TRIM44: variants seen among roughly 807,000 people sequenced by gnomAD.
TRIM44 encodes the protein tripartite motif-containing protein 44.
A neutral mutation model predicts 37.4 loss-of-function variants in TRIM44; 13 were observed. The observed-to-expected ratio is 0.35, with a 90% CI of 0.23 to 0.55. The LOEUF is 0.55. TRIM44 is among the 20% of genes least tolerant of loss of function. The pLI, the probability that TRIM44 is intolerant of heterozygous loss-of-function variation, is 0.89. For synonymous variants in TRIM44, 175 were observed against 157.2 expected (o/e 1.11, Z -0.85); for missense variants, 426 against 437.2 (o/e 0.97, Z 0.23).
At chr11:35,745,246 T>G (rs1852472143) in intron 4 of TRIM44, among the ~76,000 whole-genome samples, 1 of 152,236 alleles carries the variant, frequency 6.6e-6, no homozygotes, top group African/African-American at 2.4e-5. Flanking sequence ...AGATGGTATC[T>G]CATTGTAATT....
intron 1 of TRIM44, among the ~76,000 whole-genome samples, chr11:35,674,082 T>C (rs111800792): frequency 2.6e-5 from 4 of 152,166 alleles, no homozygotes; most frequent in African/African-American, 9.6e-5. Context: ...CTCATGGACC[T>C]TTCAGAATAG....
At chr11:35,786,232 T>A (rs1412459083) in intron 4 of TRIM44, among the ~76,000 whole-genome samples, 1 of 152,214 alleles carries the variant, frequency 6.6e-6, no homozygotes, top group Admixed American at 6.5e-5. Flanking sequence ...ATCTACTCTA[T>A]TACATAGGTC....
chr11:35,806,649 G>C lies in TRIM44; in HGVS notation c.*264G>C. ...GGAGCAATTAAGAAAGGTCCTTCAG[G>C]TAATCCCTCAATGGCTGCTTTGAAC... On this transcript the variant is annotated 3_prime_UTR_variant, in exon 5 of 5. Transcript: ENST00000299413. The C allele has an allele frequency of 2.2e-6, 1 of 446,240 alleles. No homozygotes were observed. The highest frequency in any genetic ancestry group is 4.0e-6 in the Non-Finnish European group (1 of 249,852). The allele number at this position is 446,240 out of a possible 1,614,324, so 27.6% of individuals were successfully genotyped here.
Position 35,808,696 on chromosome 11 carries a change from C to A in TRIM44, c.*2311C>A, listed in dbSNP as rs1234157618. On this transcript the variant is annotated 3_prime_UTR_variant, in exon 5 of 5. Coordinates refer to ENST00000299413, the MANE Select transcript of TRIM44 (RefSeq NM_017583.6). ...AAGCGTTTCAGATTTGCTTTATAGA[C>A]TCCTGCTGTCTTCAGTACCTGATAA... 1 of 152,228 alleles carries A rather than the reference C, an allele frequency of 6.6e-6. No homozygotes were observed. The highest frequency in any genetic ancestry group is 1.5e-5 in the Non-Finnish European group (1 of 68,028). 9.4% of individuals were successfully genotyped at this position (152,228 alleles called of 1,614,324 possible).
chr11:35,802,871 A>G (rs537822189), intron 4 of TRIM44, among the ~76,000 whole-genome samples: 26 of 152,168 alleles, frequency 1.7e-4, no homozygotes, highest in African/African-American at 6.0e-4. Context: ...GTTGCTCTCC[A>G]GATATTTGAA....
chr11:35,758,017 G>T (rs542949837), intron 4 of TRIM44, among the ~76,000 whole-genome samples: 5 of 152,072 alleles, frequency 3.3e-5, no homozygotes, highest in Admixed American at 6.6e-5. Context: ...TATTAGGTCC[G>T]CTTGGTGCAG....
At chr11:35,675,666 C>T (rs1197492500) in intron 1 of TRIM44, among the ~76,000 whole-genome samples, 3 of 152,276 alleles carry the variant, frequency 2.0e-5, no homozygotes, top group East Asian at 3.9e-4. Context: ...GAATTACAGG[C>T]GCCTGCCACC....
intron 2 of TRIM44, among the ~76,000 whole-genome samples, chr11:35,707,083 A>G (rs1478713122): frequency 6.6e-6 from 1 of 152,226 alleles, no homozygotes; most frequent in African/African-American, 2.4e-5. Context: ...TACAAAATCA[A>G]TGTACAAAAA....
chr11:35,784,948 T>C (rs1479285421), intron 4 of TRIM44, among the ~76,000 whole-genome samples: 2 of 152,220 alleles, frequency 1.3e-5, no homozygotes, highest in Non-Finnish European at 2.9e-5. Context: ...GAAAGACAGA[T>C]TTGAAAGAAC....
At chr11:35,735,133 G>T (rs1450938925) in intron 3 of TRIM44, among the ~76,000 whole-genome samples, 1 of 152,144 alleles carries the variant, frequency 6.6e-6, no homozygotes, top group African/African-American at 2.4e-5. Context: ...ACTAAATACT[G>T]CCAGCCATAC....
At chr11:35,753,488 GGC>G (rs1208571796) in intron 4 of TRIM44, among the ~76,000 whole-genome samples, 2 of 152,158 alleles carry the variant, frequency 1.3e-5, no homozygotes, top group African/African-American at 4.8e-5. Context: ...GTTTCCACAT[GGC>G]TGTGGGAAAT....
At chr11:35,800,438 A>G (rs1853350538) in intron 4 of TRIM44, among the ~76,000 whole-genome samples, 1 of 152,166 alleles carries the variant, frequency 6.6e-6, no homozygotes, top group African/African-American at 2.4e-5. Flanking sequence ...CTTTAGCTAG[A>G]CACAGAGCAC....
In TRIM44 at chr11:35,669,702, C is replaced by T. The variant is rs574107022; in HGVS notation, c.669+5922C>T. ...CCATGTTGGCCAGATTGGTCTTGAA[C>T]TCCTGGCCTCAGGTGATCCACCTGC... On this transcript the variant is annotated intron_variant, in intron 1 of 4. Coordinates refer to ENST00000299413, the MANE Select transcript of TRIM44 (RefSeq NM_017583.6). Among the ~76,000 whole-genome samples the T allele has an allele frequency of 3.9e-5, 6 of 152,274 alleles. 1 individual carries two copies. The South Asian group carries it at 1.0e-3, about 26-fold the overall frequency.
intron 4 of TRIM44, among the ~76,000 whole-genome samples, chr11:35,768,086 C>A (rs980250369): frequency 2.0e-5 from 3 of 152,154 alleles, no homozygotes; most frequent in African/African-American, 4.8e-5. Flanking sequence ...GCATAGCGGA[C>A]TAAAGGCCTA....
chr11:35,774,414 A>G (rs1210700862), intron 4 of TRIM44, among the ~76,000 whole-genome samples: 1 of 152,180 alleles, frequency 6.6e-6, no homozygotes, highest in Non-Finnish European at 1.5e-5. Context: ...CCCATTCTGT[A>G]GGTTGCCTGT....
chr11:35,722,748 C>T (rs1852124153), intron 2 of TRIM44, among the ~76,000 whole-genome samples: 1 of 152,180 alleles, frequency 6.6e-6, no homozygotes, highest in Admixed American at 6.5e-5. Flanking sequence ...TTGTGCCGAC[C>T]TCTTATCTCA....
intron 4 of TRIM44, among the ~76,000 whole-genome samples, chr11:35,780,635 G>A (rs964143916): frequency 1.3e-5 from 2 of 152,118 alleles, no homozygotes; most frequent in African/African-American, 4.8e-5. Context: ...AGAGATAAAG[G>A]AATATGTGCC....
Position 35,817,183 on chromosome 11 carries a change from A to G in TRIM44, c.*10798A>G, listed in dbSNP as rs1363759703. 3 of 152,164 alleles carry G rather than the reference A, an allele frequency of 2.0e-5. No homozygotes were observed. The highest frequency in any genetic ancestry group is 4.4e-5 in the Non-Finnish European group (3 of 68,036). The allele number at this position is 152,164 out of a possible 1,614,324, so 9.4% of individuals were successfully genotyped here. A position where few individuals can be genotyped will look rare whatever the true frequency, so the allele number is the denominator to read the frequency against. ...TATCCAGAGGTACTCCAGATATTAT[A>G]TCTTCATGCAGAAAACTGAAAGATA... On this transcript the variant is annotated 3_prime_UTR_variant, in exon 5 of 5. Transcript: ENST00000299413.
chr11:35,730,472 C>T (rs1199704065), intron 3 of TRIM44, among the ~76,000 whole-genome samples: 1 of 152,076 alleles, frequency 6.6e-6, no homozygotes, highest in East Asian at 1.9e-4. Context: ...AAGACATAAA[C>T]CTACAGATTT....
Sources: allele counts gnomAD v4.1 joint callset (sites outside exome capture counted in the v4.1 genomes callset), GRCh38; gene constraint gnomAD v4.1.1; transcripts MANE v1.5; gene names NCBI Gene and HGNC (gene_info 2026-07-23, HGNC 2026-07-21).